Variants in POTEJ observed in about 807,000 individuals in gnomAD.
The protein encoded by POTEJ is POTE ankyrin domain family member J.
A neutral mutation model predicts 69.0 loss-of-function variants in POTEJ; 11 were observed. The ratio of observed to expected loss-of-function variants is 0.16; its 90% CI spans 0.10 to 0.26. POTEJ has a LOEUF of 0.26. Among genes scored for constraint, POTEJ ranks in the 10% least tolerant of loss-of-function variants. POTEJ has a pLI of 1.00. For missense variants in POTEJ, 327 were observed against 1,045.5 expected (o/e 0.31, Z 9.48); for synonymous variants, 117 against 381.1 (o/e 0.31, Z 8.07).
In POTEJ at chr2:130,657,376, G is replaced by A. The variant is rs1363707764; in HGVS notation, c.2616G>A (p.Val872=). Residue 872 remains valine, a synonymous_variant, in exon 15 of 15, where the codon GTG becomes GTA. Coordinates refer to ENST00000409602, the MANE Select transcript of POTEJ (RefSeq NM_001277083.2). ...RFTTMAEREI[V]RDIKEKLCYV... The stretch of plus-strand genomic sequence containing the variant: ...CCACCATGGCCGAGCGGGAAATCGT[G>A]CGTGACATCAAAGAGAAGCTGTGCT... 1.3e-6 allele frequency: 2 copies of A among 1,582,846 alleles called. No individual in the cohort carries two copies. The highest frequency in any genetic ancestry group is 2.2e-5 in the East Asian group (1 of 44,840).
At chr2:130,611,967 G>C (rs1685226622) in intron 1 of POTEJ, 25 bp downstream of exon 1, 1 of 946,992 alleles carries the variant, frequency 1.1e-6, no homozygotes, top group Non-Finnish European at 1.6e-6. Context: ...GCTGGGAGGA[G>C]GTGGGAGGTC....
intron 1 of POTEJ, among the ~76,000 whole-genome samples, chr2:130,613,425 G>T (rs1454587347): frequency 4.4e-5 from 6 of 136,254 alleles, no homozygotes; most frequent in Non-Finnish European, 9.2e-5. Context: ...TTTTTTTGGT[G>T]GAGTCTCACT....
chr2:130,636,587 TC>T (rs1231248431), intron 9 of POTEJ, among the ~76,000 whole-genome samples: 1 of 148,258 alleles, frequency 6.7e-6, no homozygotes, highest in Non-Finnish European at 1.5e-5. Flanking sequence ...TTAGTTTTTC[TC>T]CTCTAACATA....
At chr2:130,630,982 G>T (rs1573979869) in intron 7 of POTEJ, among the ~76,000 whole-genome samples, 1 of 143,908 alleles carries the variant, frequency 6.9e-6, no homozygotes, top group Non-Finnish European at 1.5e-5. Flanking sequence ...TGCACTGTAG[G>T]GGCTCACTTG....
rs1352078080 is a variant in POTEJ, at chr2:130,654,350, TG to T, written c.1668-570del. On this transcript the variant is annotated intron_variant, in intron 13 of 14. Coordinates refer to ENST00000409602, the MANE Select transcript of POTEJ (RefSeq NM_001277083.2). ...AGGAGGTTCGAGGCAGGTGAGCAAGTGAAGCTCCATCTGTTTACAGCCACTC... is the reference window on the plus strand; with the variant it reads ...AGGAGGTTCGAGGCAGGTGAGCAAGTAAGCTCCATCTGTTTACAGCCACTC... Among the ~76,000 whole-genome samples the T allele has an allele frequency of 7.1e-5, 10 of 140,108 alleles. 1 individual carries two copies. The Admixed American group carries it at 7.4e-4, about 10-fold the overall frequency. 91.9% of individuals were successfully genotyped at this position (140,108 alleles called of 152,430 possible).
rs1402599977 is a variant in POTEJ at position 130,639,250 on chromosome 2, C to A, written c.1369+561C>A. Reference sequence around the variant, plus strand: ...GGCCTGGGAGTTGTGGAGCCCTGCTCTGGGAGGTCCTACCATAGATTTAAA... The same window carrying A: ...GGCCTGGGAGTTGTGGAGCCCTGCTATGGGAGGTCCTACCATAGATTTAAA... On this transcript the variant is annotated intron_variant, in intron 10 of 14. Transcript: ENST00000409602. 2.0e-5 allele frequency among the ~76,000 whole-genome samples: 3 copies of A among 152,296 alleles called. No individual in the cohort carries two copies. In the South Asian group the frequency reaches 6.3e-4, roughly 32 times the overall value.
chr2:130,625,297 T>C (rs1328409555), intron 6 of POTEJ, among the ~76,000 whole-genome samples: 17 of 152,060 alleles, frequency 1.1e-4, no homozygotes, highest in Non-Finnish European at 1.8e-4. Flanking sequence ...ACTTAACATA[T>C]AACTATCAAA....
At chr2:130,650,020 G>C (rs1484913635) in intron 13 of POTEJ, among the ~76,000 whole-genome samples, 1 of 152,254 alleles carries the variant, frequency 6.6e-6, no homozygotes, top group Non-Finnish European at 1.5e-5. Flanking sequence ...AAAAAAGAGA[G>C]ATAATGAGGA....
intron 6 of POTEJ, among the ~76,000 whole-genome samples, chr2:130,626,645 T>C (rs1325735501): frequency 6.6e-6 from 1 of 152,176 alleles, no homozygotes; most frequent in African/African-American, 2.4e-5. Context: ...TTTGCTGGGA[T>C]TGATGGAAGG....
chr2:130,624,549 G>T (rs1470425961), intron 6 of POTEJ, among the ~76,000 whole-genome samples: 3 of 152,006 alleles, frequency 2.0e-5, no homozygotes, highest in Admixed American at 6.6e-5. Context: ...GAGTACAGGC[G>T]GTAATATGAG....
chr2:130,636,175 T>C (rs1320145989), intron 9 of POTEJ, among the ~76,000 whole-genome samples: 8 of 151,290 alleles, frequency 5.3e-5, no homozygotes, highest in African/African-American at 2.0e-4. Flanking sequence ...AGCTTACTCT[T>C]TCCATTCCTT....
At chr2:130,645,593 C>A (rs983407224) in intron 11 of POTEJ, 144 bp from the exon 12 acceptor site, 5 of 433,048 alleles carry the variant, frequency 1.2e-5, no homozygotes, top group Non-Finnish European at 7.3e-6. Context: ...TTTATTTTAA[C>A]AGTTTAATTT....
chr2:130,612,504 T>C (rs1336824548), intron 1 of POTEJ, among the ~76,000 whole-genome samples: 14 of 152,398 alleles, frequency 9.2e-5, no homozygotes, highest in Admixed American at 7.8e-4. Flanking sequence ...CGGTGGCTCA[T>C]GCCTGTAATC....
chr2:130,636,684 T>C (rs1686105531), intron 9 of POTEJ, among the ~76,000 whole-genome samples: 1 of 148,692 alleles, frequency 6.7e-6, no homozygotes, highest in East Asian at 1.9e-4. Flanking sequence ...CTACCATATC[T>C]TCACTGCTTA....
At chr2:130,650,229 C>T (rs1431602392) in intron 13 of POTEJ, among the ~76,000 whole-genome samples, 1 of 152,272 alleles carries the variant, frequency 6.6e-6, no homozygotes, top group Non-Finnish European at 1.5e-5. Flanking sequence ...CTTTGATGTA[C>T]AAATAAAAGT....
rs1490478392 is a variant in POTEJ, at chr2:130,656,989, T to G, written c.2229T>G (p.Asp743Glu). The G allele has an allele frequency of 1.6e-5, 26 of 1,584,334 alleles. 1 individual carries two copies. The highest frequency in any genetic ancestry group is 2.1e-5 in the Non-Finnish European group (24 of 1,158,796). Reference sequence around the variant, plus strand: ...AACACGGCATCATCACCAACTGGGATGACATGGAGAAGATCTGGCACCACA... The same window carrying G: ...AACACGGCATCATCACCAACTGGGAGGACATGGAGAAGATCTGGCACCACA... ...PMEHGIITNW[D>E]DMEKIWHHTF... is the part of the protein sequence containing the mutation. Residue 743 changes from aspartate (D) to glutamate (E), a missense_variant, in exon 15 of 15, where the codon GAT (aspartate) becomes GAG (glutamate). Coordinates refer to ENST00000409602, the MANE Select transcript of POTEJ (RefSeq NM_001277083.2).
At chr2:130,626,974 A>G (rs1685734275) in intron 6 of POTEJ, among the ~76,000 whole-genome samples, 2 of 152,292 alleles carry the variant, frequency 1.3e-5, no homozygotes, top group African/African-American at 2.4e-5. Context: ...AATATAAAGC[A>G]GAGGCAGAAG....
At chr2:130,636,477 T>G (rs536942438) in intron 9 of POTEJ, among the ~76,000 whole-genome samples, 1 of 145,710 alleles carries the variant, frequency 6.9e-6, no homozygotes, top group African/African-American at 2.5e-5. Context: ...GTTTTTTGTA[T>G]TAGAAAAAAA....
rs1685217704 is a variant in POTEJ at position 130,611,754 on chromosome 2, G to A, written c.222G>A (p.Gly74=). 1.9e-6 allele frequency: 3 copies of A among 1,565,894 alleles called. No individual in the cohort carries two copies. The highest frequency in any genetic ancestry group is 2.6e-6 in the Non-Finnish European group (3 of 1,146,388). Residue 74 remains glycine, a synonymous_variant, in exon 1 of 15, where the codon GGG becomes GGA. Transcript: ENST00000409602. ...GCCACTGCTTCCCCTGCTGCAGGGG[G>A]AGCGGCAAGAGCAACGTGGGTGCTT... ...WCCHCFPCCR[G]SGKSNVGAWG...
Sources: allele counts gnomAD v4.1 joint callset (sites outside exome capture counted in the v4.1 genomes callset), GRCh38; gene constraint gnomAD v4.1.1; transcripts MANE v1.5; gene names NCBI Gene and HGNC (gene_info 2026-07-23, HGNC 2026-07-21).